The following AOPEP variants were observed in gnomAD, a reference collection of about 807,000 sequenced individuals.
The protein encoded by AOPEP is aminopeptidase O.
AOPEP carries 77 observed loss-of-function variants against 98.1 expected under a neutral mutation model. The observed-to-expected ratio is 0.78, with a 90% CI of 0.65 to 0.95. AOPEP has a LOEUF of 0.95. AOPEP is among the 40% of genes least tolerant of loss of function. The pLI is 0.00. For missense variants in AOPEP, 1,024 were observed against 1,024.7 expected (o/e 1.00, Z 0.01); for synonymous variants, 346 against 365.3 (o/e 0.95, Z 0.60).
chr9:95,114,426 G>C, the AOPEP span: 1 of 661,520 alleles, frequency 1.5e-6, no homozygotes, highest in East Asian at 2.8e-5. Flanking sequence ...GCATACATGC[G>C]CATGCCTATT....
chr9:95,103,373 T>C, the AOPEP span, among the ~76,000 whole-genome samples: 1 of 152,198 alleles, frequency 6.6e-6, no homozygotes, highest in South Asian at 2.1e-4. Flanking sequence ...GTGGGTTCAA[T>C]TCATTTTGAG....
At chr9:94,990,029 G>A (rs1478231313) in intron 11 of AOPEP, among the ~76,000 whole-genome samples, 3 of 152,212 alleles carry the variant, frequency 2.0e-5, no homozygotes, top group Non-Finnish European at 4.4e-5. Context: ...TGAGCTCATG[G>A]TTTGTGGAAG....
chr9:94,806,168 A>C (rs1308809458), intron 5 of AOPEP, among the ~76,000 whole-genome samples: 1 of 152,168 alleles, frequency 6.6e-6, no homozygotes, highest in African/African-American at 2.4e-5. Flanking sequence ...TGAGCCTTAA[A>C]TTAGTATGCC....
intron 13 of AOPEP, among the ~76,000 whole-genome samples, chr9:95,038,173 CAAAA>C (rs1286626037): frequency 6.6e-6 from 1 of 151,906 alleles, no homozygotes; most frequent in South Asian, 2.1e-4. Flanking sequence ...AGGTGAAAAA[CAAAA>C]AACACTTTCT....
At chr9:95,006,084 A>G (rs1302922107) in intron 13 of AOPEP, 1 of 471,790 alleles carries the variant, frequency 2.1e-6, no homozygotes, top group African/African-American at 2.0e-5. Context: ...AATTTTATTT[A>G]CTGTAAAGCA....
intron 13 of AOPEP, among the ~76,000 whole-genome samples, chr9:95,045,688 T>C (rs1053486712): frequency 6.6e-6 from 1 of 152,190 alleles, no homozygotes; most frequent in African/African-American, 2.4e-5. Flanking sequence ...TTTCTTTTTT[T>C]TCTATGGATG....
chr9:95,080,613 CA>C, intron 14 of AOPEP, 80 bp from the exon 15 acceptor site: 1 of 909,646 alleles, frequency 1.1e-6, no homozygotes, highest in South Asian at 1.4e-5. Flanking sequence ...TTCCGGAATA[CA>C]GAGGCTGCCT....
chr9:95,122,344 T>C, the AOPEP span, among the ~76,000 whole-genome samples: 2 of 152,118 alleles, frequency 1.3e-5, no homozygotes, highest in Non-Finnish European at 2.9e-5. Flanking sequence ...GGGTTTTGAT[T>C]AGCTAAAAAT....
chr9:95,122,469 T>C, the AOPEP span, among the ~76,000 whole-genome samples: 1 of 152,130 alleles, frequency 6.6e-6, no homozygotes, highest in Non-Finnish European at 1.5e-5. Flanking sequence ...ATGCAGGCAT[T>C]GGCAAAGCAA....
intron 5 of AOPEP, among the ~76,000 whole-genome samples, chr9:94,894,207 G>T (rs1236347457): frequency 6.6e-6 from 1 of 152,042 alleles, no homozygotes; most frequent in African/African-American, 2.4e-5. Flanking sequence ...AAGAAAGAAA[G>T]ATCAAAGCAG....
Position 94,933,589 on chromosome 9 carries a change from A to C in AOPEP, c.1661+5058A>C, listed in dbSNP as rs927228854. The C allele has an allele frequency of 3.0e-6, 3 of 985,370 alleles. No individual in the cohort carries two copies. In the South Asian group the frequency reaches 1.4e-4, roughly 46 times the overall value. 61.0% of individuals were successfully genotyped at this position (985,370 alleles called of 1,614,324 possible). A position where few individuals can be genotyped will look rare whatever the true frequency, so the allele number is the denominator to read the frequency against. ...TTCCTCCTGAATGCCTCATCCCTTG[A>C]TCACAAAAACATCCCTTAATAATAG... On this transcript the variant is annotated intron_variant, in intron 7 of 16. Coordinates refer to ENST00000375315, the MANE Select transcript of AOPEP (RefSeq NM_001193329.3).
chr9:94,848,385 G>A (rs1403456555), intron 5 of AOPEP, among the ~76,000 whole-genome samples: 1 of 143,694 alleles, frequency 7.0e-6, no homozygotes, highest in African/African-American at 2.6e-5. Context: ...CCGGGAGGCG[G>A]ATCTTGTAGT....
At position 95,080,752 on chromosome 9, in the gene AOPEP, G is replaced by T. The variant is rs759503703; in HGVS notation, c.2291G>T (p.Ser764Ile). 20 of 1,613,992 alleles carry T rather than the reference G, an allele frequency of 1.2e-5. No individual in the cohort carries two copies. The South Asian group carries it at 2.1e-4, about 17-fold the overall frequency. Reference sequence around the variant, plus strand: ...CACAAGTTCACGAAAGCCTACAAAAGTGTGGAGAGGTTCCTTCAGGAGGAT... The same window carrying T: ...CACAAGTTCACGAAAGCCTACAAAATTGTGGAGAGGTTCCTTCAGGAGGAT... ...VKHKFTKAYK[S>I]VERFLQEDQA... is the part of the protein sequence containing the mutation. Residue 764 changes from serine to isoleucine, a missense_variant, in exon 15 of 17, where the codon AGT (serine) becomes ATT (isoleucine). Coordinates refer to ENST00000375315, the MANE Select transcript of AOPEP (RefSeq NM_001193329.3).
intron 9 of AOPEP, among the ~76,000 whole-genome samples, chr9:94,965,223 ATCAG>A (rs1350428393): frequency 6.6e-6 from 1 of 152,194 alleles, no homozygotes; most frequent in Non-Finnish European, 1.5e-5. Context: ...GTTGTGAGGC[ATCAG>A]TCAGTTTGGG....
At chr9:94,799,984 T>C (rs1588277393) in intron 4 of AOPEP, among the ~76,000 whole-genome samples, 1 of 152,144 alleles carries the variant, frequency 6.6e-6, no homozygotes. Flanking sequence ...GTAGATAAGT[T>C]CTCTTGAGTC....
chr9:94,942,546 C>G (rs1286962259), intron 7 of AOPEP, among the ~76,000 whole-genome samples: 1 of 152,072 alleles, frequency 6.6e-6, no homozygotes, highest in Non-Finnish European at 1.5e-5. Context: ...CTGTACTATT[C>G]AACATTGTAC....
chr9:94,872,099 G>T (rs2046411753), intron 5 of AOPEP, among the ~76,000 whole-genome samples: 1 of 152,190 alleles, frequency 6.6e-6, no homozygotes, highest in South Asian at 2.1e-4. Context: ...GTCAGCAAAA[G>T]TAGTGTCTAG....
the AOPEP span, among the ~76,000 whole-genome samples, chr9:95,124,381 G>A: frequency 6.6e-6 from 1 of 152,178 alleles, no homozygotes; most frequent in Admixed American, 6.5e-5. Flanking sequence ...AAAGCTCGCT[G>A]GTAGCAAAGG....
intron 1 of AOPEP, among the ~76,000 whole-genome samples, chr9:94,730,638 G>A (rs1303829709): frequency 1.3e-5 from 2 of 152,168 alleles, no homozygotes; most frequent in South Asian, 2.1e-4. Flanking sequence ...CGGACAGAAT[G>A]AGAAGAAACA....
Sources: gnomAD v4.1 joint callset for allele counts (sites outside exome capture counted in the v4.1 genomes callset) on GRCh38, gnomAD v4.1.1 for gene constraint, MANE v1.5 for transcripts, NCBI Gene and HGNC (gene_info 2026-07-23, HGNC 2026-07-21) for gene names.